Variants in SNX29 observed in about 807,000 individuals in gnomAD.
SNX29 encodes sorting nexin-29.
Under a neutral mutation model 102.1 loss-of-function variants are expected in SNX29, and 78 were observed. The observed-to-expected ratio is 0.76, with a 90% confidence interval of 0.64 to 0.92. The LOEUF (loss-of-function observed/expected upper bound fraction) is 0.92. Ranked by LOEUF, SNX29 falls within the 40% of genes least tolerant of loss-of-function variation. SNX29 has a pLI of 0.00. For missense variants in SNX29, 1,280 were observed against 1,061.7 expected, an observed-to-expected ratio of 1.21 and a Z score of -2.86; for synonymous variants, 580 against 414.5, an observed-to-expected ratio of 1.40 and a Z score of -4.85.
intron 3 of SNX29, among the ~76,000 whole-genome samples, chr16:12,003,831 A>G (rs186683764): frequency 4.5e-4 from 68 of 152,012 alleles, no homozygotes; most frequent in African/African-American, 6.3e-4. Flanking sequence ...ACATGGTGAA[A>G]CCCCGTCTCT....
intron 14 of SNX29, among the ~76,000 whole-genome samples, chr16:12,249,780 A>G (rs147445842): frequency 2.5e-4 from 38 of 152,334 alleles, no homozygotes; most frequent in African/African-American, 8.4e-4. Flanking sequence ...CATAGGGAAC[A>G]CTGTATACGC....
rs553340052 is a variant in SNX29 at position 12,253,206 on chromosome 16, G to C, written c.1679-24727G>C. ...ACAGTCATTCGGGCCATTACCTGTT[G>C]GTGACCATGCATTCGCCTTGATGTA... On this transcript the variant is annotated intron_variant, in intron 14 of 20. Coordinates refer to ENST00000566228, the MANE Select transcript of SNX29 (RefSeq NM_032167.5). 5.9e-5 allele frequency among the ~76,000 whole-genome samples: 9 copies of C among 152,270 alleles called. No homozygotes were observed. The South Asian group carries it at 1.9e-3, about 32-fold the overall frequency.
chr16:12,078,502 G>A (rs1159951908), intron 10 of SNX29, among the ~76,000 whole-genome samples: 1 of 152,186 alleles, frequency 6.6e-6, no homozygotes, highest in Admixed American at 6.5e-5. Flanking sequence ...GAGGATGCTT[G>A]TTTACGGTGT....
At chr16:12,371,804 T>G (rs12921529) in intron 16 of SNX29, among the ~76,000 whole-genome samples, 1 of 152,016 alleles carries the variant, frequency 6.6e-6, no homozygotes, top group African/African-American at 2.4e-5. Context: ...AAAAATAATA[T>G]GGCAGATGGC....
intron 6 of SNX29, among the ~76,000 whole-genome samples, chr16:12,047,254 C>T (rs1374050287): frequency 6.6e-6 from 1 of 152,146 alleles, no homozygotes; most frequent in Non-Finnish European, 1.5e-5. Flanking sequence ...TGGACTGTTA[C>T]GTTGTTCGCC....
At chr16:12,307,160 A>G (rs555705404) in intron 15 of SNX29, among the ~76,000 whole-genome samples, 212 of 152,310 alleles carry the variant, frequency 1.4e-3, no homozygotes, top group Non-Finnish European at 2.7e-3. Context: ...GTCAACTGGA[A>G]TGGCTTTGAT....
intron 18 of SNX29, among the ~76,000 whole-genome samples, chr16:12,469,965 A>G (rs904360567): frequency 5.9e-5 from 9 of 152,166 alleles, no homozygotes; most frequent in African/African-American, 1.9e-4. Flanking sequence ...GTGAGCTGAG[A>G]TCGCGCCATT....
chr16:12,180,404 T>C (rs2076355113), intron 13 of SNX29, among the ~76,000 whole-genome samples: 1 of 152,212 alleles, frequency 6.6e-6, no homozygotes, highest in South Asian at 2.1e-4. Flanking sequence ...CATCTTTATC[T>C]GCAGCTATAT....
At chr16:12,227,098 G>C (rs1162940934) in intron 14 of SNX29, among the ~76,000 whole-genome samples, 1 of 152,184 alleles carries the variant, frequency 6.6e-6, no homozygotes, top group Admixed American at 6.5e-5. Context: ...TGGGGCTTTT[G>C]TACAAGCCAG....
chr16:12,551,376 T>G (rs1408067589), intron 20 of SNX29, among the ~76,000 whole-genome samples: 19 of 152,208 alleles, frequency 1.2e-4, no homozygotes, highest in Admixed American at 1.2e-3. Context: ...TTTGCAGAAC[T>G]TCCCCAACAG....
intron 10 of SNX29, 29 bp downstream of exon 10, chr16:12,069,161 G>A (rs1333769532): frequency 6.3e-7 from 1 of 1,584,416 alleles, no homozygotes; most frequent in Non-Finnish European, 8.6e-7. Context: ...AGTTGCCTGT[G>A]GCATTAAAAC....
chr16:12,396,908 ACTTT>A (rs907254040), intron 16 of SNX29, among the ~76,000 whole-genome samples: 12 of 152,318 alleles, frequency 7.9e-5, no homozygotes, highest in Admixed American at 2.0e-4. Flanking sequence ...AATTCTCTTA[ACTTT>A]CTTTATTTTT....
At chr16:12,405,085 C>T (rs762141643) in intron 18 of SNX29, among the ~76,000 whole-genome samples, 1 of 152,094 alleles carries the variant, frequency 6.6e-6, no homozygotes, top group Non-Finnish European at 1.5e-5. Context: ...CCTTTTGTCC[C>T]CCACAAACCC....
intron 11 of SNX29, among the ~76,000 whole-genome samples, chr16:12,122,999 G>A (rs2054043153): frequency 6.6e-6 from 1 of 151,910 alleles, no homozygotes; most frequent in Non-Finnish European, 1.5e-5. Flanking sequence ...GCTAATTTTT[G>A]TATTTTTAGT....
At chr16:12,532,534 T>C (rs566826887) in intron 20 of SNX29, among the ~76,000 whole-genome samples, 14 of 152,342 alleles carry the variant, frequency 9.2e-5, no homozygotes, top group African/African-American at 3.1e-4. Context: ...GAATAACTTA[T>C]GATTTGGAGA....
intron 19 of SNX29, among the ~76,000 whole-genome samples, chr16:12,498,093 C>G (rs907448078): frequency 2.0e-5 from 3 of 152,100 alleles, no homozygotes; most frequent in African/African-American, 7.2e-5. Context: ...TGAGGTGCCA[C>G]CAGAATTGAG....
At position 12,571,250 on chromosome 16, in the gene SNX29, C is replaced by G. The variant is rs2079181396; in HGVS notation, c.*2621C>G. 4.3e-6 allele frequency: 1 copy of G among 232,130 alleles called. No individual in the cohort carries two copies. Among genetic ancestry groups the G allele is most frequent in the Non-Finnish European group, 8.5e-6 (1 of 117,346 alleles). 14.4% of individuals were successfully genotyped at this position (232,130 alleles called of 1,614,324 possible). ...CCTGGAGTTATGGAGCAGAAACACC[C>G]AGGCCTAGCAGAATTGTGGCTGAAA... On this transcript the variant is annotated 3_prime_UTR_variant, in exon 21 of 21. Transcript: ENST00000566228.
chr16:12,379,447 T>C (rs909396658), intron 16 of SNX29, among the ~76,000 whole-genome samples: 3 of 152,180 alleles, frequency 2.0e-5, no homozygotes, highest in African/African-American at 7.2e-5. Flanking sequence ...AGGGAAGAAA[T>C]TGAAGCTCAG....
intron 20 of SNX29, among the ~76,000 whole-genome samples, chr16:12,530,710 C>G (rs1333356313): frequency 6.6e-6 from 1 of 152,108 alleles, no homozygotes; most frequent in African/African-American, 2.4e-5. Context: ...TGGCCGCTAC[C>G]ATGCCCAGCT....
Sources: allele counts gnomAD v4.1 joint callset (sites outside exome capture counted in the v4.1 genomes callset), GRCh38; gene constraint gnomAD v4.1.1; transcripts MANE v1.5; gene names NCBI Gene and HGNC (gene_info 2026-07-23, HGNC 2026-07-21).